MALRD1: variants seen among roughly 807,000 people sequenced by gnomAD.
MALRD1 encodes MAM and LDL receptor class A domain containing 1.
MALRD1 carries 247 observed loss-of-function variants against 242.1 expected under a neutral mutation model. The ratio of observed to expected loss-of-function variants is 1.02; its 90% CI spans 0.92 to 1.13. The LOEUF (loss-of-function observed/expected upper bound fraction) is 1.13. Ranked by LOEUF, MALRD1 falls within the 50% of genes most tolerant of loss-of-function variation. The pLI is 0.00. For synonymous variants in MALRD1, 995 were observed against 866.6 expected, an observed-to-expected ratio of 1.15 and a Z score of -2.60; for missense variants, 2,989 against 2,533.1, an observed-to-expected ratio of 1.18 and a Z score of -3.86.
At chr10:19,413,625 C>T (rs1361724124) in intron 28 of MALRD1, among the ~76,000 whole-genome samples, 1 of 151,708 alleles carries the variant, frequency 6.6e-6, no homozygotes, top group Non-Finnish European at 1.5e-5. Context: ...ACCCATTTAC[C>T]AGATTATTAT....
rs189524909 is a variant in MALRD1 at position 19,122,585 on chromosome 10, G to A, written c.695-907G>A. ...GTAACAAGCTGGAACAGTGAGGGGT[G>A]CCATTTGACATGAGAGTCAAAGCTT... On this transcript the variant is annotated intron_variant, in intron 5 of 39. Transcript: ENST00000454679. Among the ~76,000 whole-genome samples the A allele has an allele frequency of 1.6e-4, 24 of 152,244 alleles. 1 individual carries two copies. The East Asian group carries it at 4.3e-3, about 27-fold the overall frequency.
intron 29 of MALRD1, among the ~76,000 whole-genome samples, chr10:19,461,108 G>A (rs1057204345): frequency 6.6e-6 from 1 of 152,124 alleles, no homozygotes; most frequent in South Asian, 2.1e-4. Flanking sequence ...CAAGACAATG[G>A]AAGGAAATGA....
At chr10:19,732,971 A>G (rs1279492931) in intron 39 of MALRD1, among the ~76,000 whole-genome samples, 4 of 152,194 alleles carry the variant, frequency 2.6e-5, no homozygotes, top group African/African-American at 7.2e-5. Flanking sequence ...ATGAATGGCT[A>G]AAGAAGAAAT....
chr10:19,519,841 T>G (rs1226036254), intron 31 of MALRD1, among the ~76,000 whole-genome samples: 1 of 152,186 alleles, frequency 6.6e-6, no homozygotes, highest in Non-Finnish European at 1.5e-5. Flanking sequence ...ATACTTTAGT[T>G]TGGAACAAAA....
chr10:19,356,186 T>C (rs1466652717), intron 26 of MALRD1, among the ~76,000 whole-genome samples: 1 of 151,900 alleles, frequency 6.6e-6, no homozygotes, highest in African/African-American at 2.4e-5. Context: ...ATCTATATCA[T>C]TTGTATATAT....
rs564682991 is a variant in MALRD1, at chr10:19,283,190, C to G, written c.3419+9C>G. ...TCAGTGGATCATACACAGTAAGTGACCATGTATTTTGAATATCTCTCTTGG... is the reference window on the plus strand; with the variant it reads ...TCAGTGGATCATACACAGTAAGTGAGCATGTATTTTGAATATCTCTCTTGG... On this transcript the variant is annotated intron_variant, in intron 21 of 39. Coordinates refer to ENST00000454679, the MANE Select transcript of MALRD1 (RefSeq NM_001142308.3). 2.0e-6 allele frequency: 3 copies of G among 1,516,682 alleles called. No individual in the cohort carries two copies. The highest frequency in any genetic ancestry group is 1.7e-4 in the Middle Eastern group (1 of 5,792). 94.0% of individuals were successfully genotyped at this position (1,516,682 alleles called of 1,614,324 possible).
chr10:19,295,118 G>A (rs1841634386), intron 21 of MALRD1, among the ~76,000 whole-genome samples: 1 of 151,920 alleles, frequency 6.6e-6, no homozygotes, highest in Non-Finnish European at 1.5e-5. Flanking sequence ...AATCTTCGTT[G>A]AACAATGTAT....
At chr10:19,348,574 G>GA (rs1332752797) in intron 25 of MALRD1, among the ~76,000 whole-genome samples, 3 of 152,082 alleles carry the variant, frequency 2.0e-5, no homozygotes, top group African/African-American at 7.2e-5. Flanking sequence ...ATTAGCCTGT[G>GA]AAAAAATCAT....
intron 32 of MALRD1, among the ~76,000 whole-genome samples, chr10:19,549,749 C>T (rs1277724534): frequency 6.6e-6 from 1 of 152,112 alleles, no homozygotes; most frequent in East Asian, 1.9e-4. Context: ...TATCTTTGAG[C>T]TCTGCTGATT....
intron 36 of MALRD1, among the ~76,000 whole-genome samples, chr10:19,680,452 ATT>A (rs1842319637): frequency 6.6e-6 from 1 of 152,022 alleles, no homozygotes; most frequent in Non-Finnish European, 1.5e-5. Flanking sequence ...AGAAACTAGG[ATT>A]GCAACCCCTG....
intron 34 of MALRD1, among the ~76,000 whole-genome samples, chr10:19,606,791 C>T (rs1299841993): frequency 6.6e-6 from 1 of 152,056 alleles, no homozygotes; most frequent in African/African-American, 2.4e-5. Context: ...AACAGAGGAA[C>T]CATATTTCAC....
intron 38 of MALRD1, among the ~76,000 whole-genome samples, chr10:19,712,652 G>A (rs558289277): frequency 6.6e-6 from 1 of 152,240 alleles, no homozygotes; most frequent in African/African-American, 2.4e-5. Flanking sequence ...CAGATTATGT[G>A]TCTCAAAGAA....
chr10:19,523,224 C>T (rs1035758040), intron 31 of MALRD1, among the ~76,000 whole-genome samples: 1 of 152,190 alleles, frequency 6.6e-6, no homozygotes, highest in African/African-American at 2.4e-5. Context: ...AAATCAAAGT[C>T]TACAGCTCCA....
chr10:19,322,352 T>C (rs1305549441), intron 21 of MALRD1, among the ~76,000 whole-genome samples: 2 of 152,162 alleles, frequency 1.3e-5, no homozygotes, highest in African/African-American at 4.8e-5. Context: ...ATTCTGCGTC[T>C]TAAAAATTAA....
At chr10:19,047,506 A>G (rs1276597100), upstream of MALRD1, among the ~76,000 whole-genome samples, 1 of 152,114 alleles carries the variant, frequency 6.6e-6, no homozygotes, top group Non-Finnish European at 1.5e-5. Flanking sequence ...ATTTATTAAT[A>G]TAATCTTAGG....
intron 19 of MALRD1, among the ~76,000 whole-genome samples, chr10:19,268,538 G>C (rs1452657407): frequency 6.6e-6 from 1 of 152,060 alleles, no homozygotes; most frequent in African/African-American, 2.4e-5. Context: ...TACGCTTTTA[G>C]ATTTTTATAT....
intron 38 of MALRD1, among the ~76,000 whole-genome samples, chr10:19,696,184 C>A (rs1833369943): frequency 1.3e-5 from 2 of 152,272 alleles, no homozygotes; most frequent in South Asian, 4.1e-4. Flanking sequence ...GACTCAGAGA[C>A]CCTGCCAATC....
Position 19,324,032 on chromosome 10 carries a change from T to C in MALRD1, c.3503T>C (p.Ile1168Thr). Residue 1168 changes from isoleucine to threonine, a missense_variant, in exon 22 of 40, where the codon ATT becomes ACT. By Grantham distance (89) the Ile-to-Thr change is moderately conservative. Transcript: ENST00000454679. ...GDTADILTPI[I>T]SLTGPKCTLV... ...ACGGCTGACATTCTCACTCCTATCATTTCACTCACGGGACCAAAATGTACC... is the reference window on the plus strand; with the variant it reads ...ACGGCTGACATTCTCACTCCTATCACTTCACTCACGGGACCAAAATGTACC... 1 of 1,550,818 alleles carries C rather than the reference T, an allele frequency of 6.4e-7. No individual in the cohort carries two copies. Among genetic ancestry groups the C allele is most frequent in the Non-Finnish European group, 8.7e-7 (1 of 1,146,918 alleles).
At chr10:19,640,834 A>T (rs577917453) in intron 36 of MALRD1, among the ~76,000 whole-genome samples, 1 of 152,204 alleles carries the variant, frequency 6.6e-6, no homozygotes, top group Non-Finnish European at 1.5e-5. Flanking sequence ...TGGAAATGAT[A>T]TAGTAAGTTC....
Sources: allele counts gnomAD v4.1 joint callset (sites outside exome capture counted in the v4.1 genomes callset), GRCh38; gene constraint gnomAD v4.1.1; transcripts MANE v1.5; gene names NCBI Gene and HGNC (gene_info 2026-07-23, HGNC 2026-07-21).